FBXL13: variants seen among roughly 807,000 people sequenced by gnomAD.
The protein encoded by FBXL13 is F-box and leucine-rich repeat protein 13.
A neutral mutation model predicts 83.6 loss-of-function variants in FBXL13; 67 were observed. The ratio of observed to expected loss-of-function variants is 0.80; its 90% confidence interval spans 0.66 to 0.98. The LOEUF is 0.98. Ranked by LOEUF, FBXL13 falls within the 50% of genes least tolerant of loss-of-function variation. FBXL13 has a pLI of 0.00. For synonymous variants in FBXL13, 272 were observed against 299.5 expected (o/e 0.91, Z 0.95); for missense variants, 822 against 866.5 (o/e 0.95, Z 0.64).
At chr7:103,023,490 AC>A (rs1173871454) in intron 6 of FBXL13, among the ~76,000 whole-genome samples, 1 of 152,198 alleles carries the variant, frequency 6.6e-6, no homozygotes, top group Admixed American at 6.5e-5. Context: ...TGGCAAGGTT[AC>A]AGAGAAAAGG....
intron 10 of FBXL13, among the ~76,000 whole-genome samples, chr7:102,919,544 T>G (rs1040740532): frequency 1.3e-5 from 2 of 152,160 alleles, no homozygotes; most frequent in Non-Finnish European, 2.9e-5. Flanking sequence ...GTCTTTAATT[T>G]CTCAGAGAAA....
intron 11 of FBXL13, among the ~76,000 whole-genome samples, chr7:102,894,960 T>G (rs1326864057): frequency 6.6e-6 from 1 of 152,082 alleles, no homozygotes; most frequent in Non-Finnish European, 1.5e-5. Flanking sequence ...TTGGCCACAG[T>G]CTCATTCATT....
chr7:103,064,299 G>T (rs1476229581), intron 1 of FBXL13, among the ~76,000 whole-genome samples: 1 of 152,178 alleles, frequency 6.6e-6, no homozygotes, highest in African/African-American at 2.4e-5. Context: ...AGCCAGTTGG[G>T]GTCCAACCCC....
chr7:102,889,298 A>G (rs1233835589), intron 11 of FBXL13, among the ~76,000 whole-genome samples: 1 of 152,220 alleles, frequency 6.6e-6, no homozygotes, highest in Non-Finnish European at 1.5e-5. Flanking sequence ...GAATGAATGA[A>G]TGAATGGATT....
At chr7:102,814,574 C>G (rs115415668) in intron 19 of FBXL13, among the ~76,000 whole-genome samples, 3,756 of 152,310 alleles carry the variant, frequency 0.025, 166 homozygotes, top group African/African-American at 0.086. Flanking sequence ...CCAAAGCATT[C>G]CTAATTCTGC....
rs528963830 is a variant in FBXL13, at chr7:102,835,766, C to T, written c.1720-2792G>A. 3.2e-3 allele frequency among the ~76,000 whole-genome samples: 477 copies of T among 148,968 alleles called. 13 individuals are homozygous for T. The highest frequency in any genetic ancestry group is 0.027 in the Admixed American group (409 of 15,034). On this transcript the variant is annotated intron_variant, in intron 17 of 19. Coordinates refer to ENST00000313221, the Ensembl canonical transcript of FBXL13. ...CTGGGACTACAGGCGCCCGCCACTA[C>T]GCCCGGCTAATTTTTTGTATTTTTA...
intron 16 of FBXL13, among the ~76,000 whole-genome samples, chr7:102,859,118 A>G (rs1233186791): frequency 6.6e-6 from 1 of 152,232 alleles, no homozygotes; most frequent in Admixed American, 6.5e-5. Flanking sequence ...GATGTTACCC[A>G]CTTTTAATAT....
At chr7:103,045,284 T>C (rs1796157682) in intron 2 of FBXL13, among the ~76,000 whole-genome samples, 1 of 152,218 alleles carries the variant, frequency 6.6e-6, no homozygotes, top group Non-Finnish European at 1.5e-5. Flanking sequence ...TGCATACTCC[T>C]AGTTAGGTTT....
intron 8 of FBXL13, among the ~76,000 whole-genome samples, chr7:102,946,863 C>T (rs1303589882): frequency 6.6e-6 from 1 of 151,512 alleles, no homozygotes; most frequent in African/African-American, 2.4e-5. Context: ...TTAGTAGAGA[C>T]GGGGGTTTTG....
At chr7:102,811,190 C>T (rs1797411513), downstream of FBXL13, among the ~76,000 whole-genome samples, 2 of 152,052 alleles carry the variant, frequency 1.3e-5, no homozygotes. Context: ...CCAGAAAAGT[C>T]ATAAGCATAA....
At chr7:102,854,318 C>T (rs1186531856) in intron 17 of FBXL13, among the ~76,000 whole-genome samples, 1 of 149,368 alleles carries the variant, frequency 6.7e-6, no homozygotes, top group Non-Finnish European at 1.5e-5. Flanking sequence ...GGGAATTGAA[C>T]AATGAGAACA....
At chr7:103,024,637 G>T (rs959758093) in intron 6 of FBXL13, among the ~76,000 whole-genome samples, 2 of 149,856 alleles carry the variant, frequency 1.3e-5, no homozygotes, top group Admixed American at 6.7e-5. Context: ...ATTCCAAAGG[G>T]CTAATATTGC....
intron 6 of FBXL13, among the ~76,000 whole-genome samples, chr7:102,994,586 C>T (rs1408016865): frequency 6.6e-6 from 1 of 152,040 alleles, no homozygotes; most frequent in Non-Finnish European, 1.5e-5. Flanking sequence ...AGTTTCCAAA[C>T]GGGGAAGACA....
chr7:102,822,415 T>C (rs1426952291), intron 18 of FBXL13: 5 of 670,734 alleles, frequency 7.5e-6, no homozygotes, highest in Non-Finnish European at 1.4e-5. Context: ...TCCCTCCTTA[T>C]TTGCAGATGC....
intron 2 of FBXL13, among the ~76,000 whole-genome samples, chr7:103,033,430 G>A (rs538653502): frequency 6.5e-4 from 99 of 152,296 alleles, no homozygotes; most frequent in Non-Finnish European, 1.1e-3. Flanking sequence ...ATGAAGCCGC[G>A]GACCCTCGCG....
chr7:102,878,292 A>T (rs772652994), intron 15 of FBXL13, 39 bp downstream of exon 16: 2 of 1,535,242 alleles, frequency 1.3e-6, no homozygotes, highest in Non-Finnish European at 1.7e-6. Flanking sequence ...TCAAATATAC[A>T]ATACTAATGA....
At chr7:102,913,356 T>C in intron 10 of FBXL13, 141 bp from the exon 12 acceptor site, 1 of 968,506 alleles carries the variant, frequency 1.0e-6, no homozygotes, top group Admixed American at 2.5e-5. Flanking sequence ...CTGTTAACTC[T>C]CTACCTGTTA....
intron 6 of FBXL13, among the ~76,000 whole-genome samples, chr7:102,982,520 A>G (rs1344370545): frequency 2.6e-5 from 4 of 152,160 alleles, no homozygotes; most frequent in Admixed American, 2.0e-4. Flanking sequence ...CCACTTCACC[A>G]TTCTGTCAAA....
At chr7:102,829,708 C>T (rs532092527) in intron 18 of FBXL13, among the ~76,000 whole-genome samples, 3 of 152,022 alleles carry the variant, frequency 2.0e-5, no homozygotes, top group Non-Finnish European at 2.9e-5. Flanking sequence ...AACTGACCTT[C>T]GAGGTGAGGT....
Sources: gnomAD v4.1 joint callset for allele counts (sites outside exome capture counted in the v4.1 genomes callset) on GRCh38, gnomAD v4.1.1 for gene constraint, MANE v1.5 for transcripts, NCBI Gene and HGNC (gene_info 2026-07-23, HGNC 2026-07-21) for gene names.